Variants in SLC24A2 observed in about 807,000 individuals in gnomAD.
SLC24A2 encodes the protein sodium/potassium/calcium exchanger 2.
In SLC24A2, 36 loss-of-function variants were observed where a neutral mutation model predicts 62.0. The observed-to-expected ratio is 0.58, with a 90% CI of 0.44 to 0.77. The LOEUF is 0.77. Among genes scored for constraint, SLC24A2 ranks in the 30% least tolerant of loss-of-function variants. SLC24A2 has a pLI of 0.00. For missense variants in SLC24A2, 846 were observed against 817.9 expected (o/e 1.03, Z -0.42); for synonymous variants, 358 against 294.0 (o/e 1.22, Z -2.23).
intron 2 of SLC24A2, among the ~76,000 whole-genome samples, chr9:19,674,348 G>A (rs1819504940): frequency 6.6e-6 from 1 of 152,076 alleles, no homozygotes. Flanking sequence ...ATGTGCCTAG[G>A]TGATCTTTTT....
the SLC24A2 span, among the ~76,000 whole-genome samples, chr9:20,271,572 G>C: frequency 2.0e-5 from 3 of 152,160 alleles, no homozygotes; most frequent in African/African-American, 7.2e-5. Flanking sequence ...AGCACTGCTA[G>C]GTGCAATAGA....
the SLC24A2 span, among the ~76,000 whole-genome samples, chr9:20,175,213 A>T: frequency 6.6e-6 from 1 of 151,828 alleles, no homozygotes; most frequent in South Asian, 2.1e-4. Flanking sequence ...GAATGATACA[A>T]TGGATTTTGG....
chr9:20,232,226 G>A, the SLC24A2 span, among the ~76,000 whole-genome samples: 1 of 152,270 alleles, frequency 6.6e-6, no homozygotes, highest in Non-Finnish European at 1.5e-5. Context: ...CCAGGCTTTG[G>A]TATCAGGATG....
rs1231799325 is a variant in SLC24A2, at chr9:19,511,545, T to C, written c.*4608A>G. The C allele has an allele frequency of 3.3e-5, 5 of 152,236 alleles. No homozygotes were observed. The highest frequency in any genetic ancestry group is 7.3e-5 in the Non-Finnish European group (5 of 68,042). The allele number at this position is 152,236 out of a possible 1,614,324, so 9.4% of individuals were successfully genotyped here. On this transcript the variant is annotated 3_prime_UTR_variant, in exon 11 of 11. Transcript: ENST00000341998. ...CTCCTTTCTTCCCTTTCCTTATTATTCTATTTTTTCTCCTACCCCTCTCTT... is the reference window on the plus strand; with the variant it reads ...CTCCTTTCTTCCCTTTCCTTATTATCCTATTTTTTCTCCTACCCCTCTCTT...
At chr9:19,550,647 G>A (rs1052095181) in intron 7 of SLC24A2, among the ~76,000 whole-genome samples, 2 of 151,720 alleles carry the variant, frequency 1.3e-5, no homozygotes, top group East Asian at 1.9e-4. Context: ...TGAAGACAGA[G>A]TCACAAGCTT....
the SLC24A2 span, among the ~76,000 whole-genome samples, chr9:20,036,346 T>A: frequency 7.2e-5 from 11 of 152,320 alleles, no homozygotes; most frequent in Non-Finnish European, 1.0e-4. Flanking sequence ...CATTTGAGAT[T>A]TATTCTCTTA....
intron 7 of SLC24A2, among the ~76,000 whole-genome samples, chr9:19,568,168 T>C (rs1035025980): frequency 6.6e-6 from 1 of 152,144 alleles, no homozygotes; most frequent in Non-Finnish European, 1.5e-5. Flanking sequence ...AGCCATTGAA[T>C]CATGTCCATG....
the SLC24A2 span, among the ~76,000 whole-genome samples, chr9:19,978,962 T>C: frequency 6.6e-6 from 1 of 152,180 alleles, no homozygotes; most frequent in African/African-American, 2.4e-5. Flanking sequence ...TTATAAAGTG[T>C]CAACAAAGGT....
the SLC24A2 span, among the ~76,000 whole-genome samples, chr9:20,061,018 T>C: frequency 2.4e-4 from 37 of 152,140 alleles, no homozygotes; most frequent in Admixed American, 3.9e-4. Context: ...TACAAGGCGT[T>C]GCTGAAAGTA....
chr9:20,238,351 A>C, the SLC24A2 span, among the ~76,000 whole-genome samples: 1 of 152,182 alleles, frequency 6.6e-6, no homozygotes, highest in Admixed American at 6.5e-5. Flanking sequence ...ACCTTCACAC[A>C]CATAGGCTGA....
At chr9:20,069,322 A>G in the SLC24A2 span, among the ~76,000 whole-genome samples, 17 of 152,222 alleles carry the variant, frequency 1.1e-4, no homozygotes, top group African/African-American at 3.9e-4. Context: ...AATTTTCCAT[A>G]AAGTACTGCT....
intron 2 of SLC24A2, among the ~76,000 whole-genome samples, chr9:19,782,207 C>T (rs551443024): frequency 2.6e-5 from 4 of 152,294 alleles, no homozygotes; most frequent in South Asian, 4.1e-4. Flanking sequence ...AACAGATCAA[C>T]GGCCCCCAGC....
At chr9:19,861,783 G>A in the SLC24A2 span, among the ~76,000 whole-genome samples, 1 of 152,064 alleles carries the variant, frequency 6.6e-6, no homozygotes, top group Non-Finnish European at 1.5e-5. Context: ...GTTGAAAAAT[G>A]CAGTTGGCAT....
the SLC24A2 span, among the ~76,000 whole-genome samples, chr9:20,141,811 C>T: frequency 8.5e-5 from 13 of 152,152 alleles, no homozygotes; most frequent in Admixed American, 1.3e-4. Context: ...AGGCGGGCCA[C>T]GGTGGCTCAC....
chr9:19,985,002 G>A, the SLC24A2 span, among the ~76,000 whole-genome samples: 10 of 133,840 alleles, frequency 7.5e-5, no homozygotes, highest in East Asian at 5.9e-4. Flanking sequence ...GTGAAATCCC[G>A]TCTCTACTGA....
rs148692708 is a variant in SLC24A2 at position 19,546,387 on chromosome 9, G to C, written c.1479+3750C>G. Among the ~76,000 whole-genome samples, 233 of 152,284 alleles carry C rather than the reference G, an allele frequency of 1.5e-3. 1 individual carries two copies. The highest frequency in any genetic ancestry group is 5.4e-3 in the African/African-American group (224 of 41,580). Reference sequence around the variant, plus strand: ...TTTTTTTTCAGTGATGCCCTTGCCAGAGAGGAGGAATCTATAGAAGCAGTC... The same window carrying C: ...TTTTTTTTCAGTGATGCCCTTGCCACAGAGGAGGAATCTATAGAAGCAGTC... On this transcript the variant is annotated intron_variant, in intron 8 of 10. Transcript: ENST00000341998.
chr9:20,007,284 G>A, the SLC24A2 span, among the ~76,000 whole-genome samples: 5 of 152,188 alleles, frequency 3.3e-5, no homozygotes, highest in Admixed American at 3.3e-4. Flanking sequence ...TGTGCCAACA[G>A]TGATCTCTTG....
At chr9:20,034,819 C>G in the SLC24A2 span, among the ~76,000 whole-genome samples, 2 of 152,100 alleles carry the variant, frequency 1.3e-5, no homozygotes, top group African/African-American at 4.8e-5. Flanking sequence ...GGAACTAGCA[C>G]TGATTCCACA....
At chr9:20,097,775 C>G in the SLC24A2 span, among the ~76,000 whole-genome samples, 1 of 96,884 alleles carries the variant, frequency 1.0e-5, no homozygotes, top group African/African-American at 3.9e-5. Flanking sequence ...CGGAGTCTTG[C>G]TCTGTCACCC....
Sources: gnomAD v4.1 joint callset for allele counts (sites outside exome capture counted in the v4.1 genomes callset) on GRCh38, gnomAD v4.1.1 for gene constraint, MANE v1.5 for transcripts, NCBI Gene and HGNC (gene_info 2026-07-23, HGNC 2026-07-21) for gene names.